Variants in LZTFL1 observed in about 807,000 individuals in gnomAD.
LZTFL1 encodes leucine zipper transcription factor like 1.
A neutral mutation model predicts 45.9 loss-of-function variants in LZTFL1; 25 were observed. The ratio of observed to expected loss-of-function variants is 0.54; its 90% CI spans 0.40 to 0.76. LZTFL1 has a LOEUF of 0.76. Ranked by LOEUF, LZTFL1 falls within the 30% of genes least tolerant of loss-of-function variation. The probability of loss-of-function intolerance (pLI) is 0.00; values close to 1 mark genes in which losing one functional copy is unlikely to be tolerated. For missense variants in LZTFL1, 277 were observed against 331.1 expected, an observed-to-expected ratio of 0.84 and a Z score of 1.27; for synonymous variants, 93 against 117.4, an observed-to-expected ratio of 0.79 and a Z score of 1.35.
intron 4 of LZTFL1, among the ~76,000 whole-genome samples, 195 bp from the exon 5 acceptor site, chr3:45,833,316 T>C (rs1453879386): frequency 1.3e-5 from 2 of 152,194 alleles, no homozygotes; most frequent in African/African-American, 4.8e-5. Context: ...TGTCCTACAG[T>C]GCCCCATACA....
intron 2 of LZTFL1, among the ~76,000 whole-genome samples, chr3:45,879,737 G>T (rs1701817756): frequency 6.6e-6 from 1 of 152,154 alleles, no homozygotes; most frequent in Non-Finnish European, 1.5e-5. Flanking sequence ...GTGGGAAGGT[G>T]GCACATGTGC....
intron 4 of LZTFL1, among the ~76,000 whole-genome samples, chr3:45,851,313 G>A (rs1005313525): frequency 2.0e-5 from 3 of 148,602 alleles, no homozygotes; most frequent in Non-Finnish European, 3.0e-5. Flanking sequence ...TGCAACCTCC[G>A]CCTCCTGGGT....
intron 2 of LZTFL1, among the ~76,000 whole-genome samples, chr3:45,911,142 C>T (rs1245692128): frequency 6.6e-6 from 1 of 152,190 alleles, no homozygotes. Context: ...CACAGTGTCC[C>T]TCTGCTCTTC....
Position 45,826,291 on chromosome 3 carries a change from G to A in LZTFL1, c.*23C>T. ...ACTGCTTGTATGTTTGCATGTGGTA[G>A]CTTCCAGAGGAAATCTTCAGTTTTA... On this transcript the variant is annotated 3_prime_UTR_variant, in exon 10 of 10. Coordinates refer to ENST00000296135, the MANE Select transcript of LZTFL1 (RefSeq NM_020347.4). 1 of 1,609,812 alleles carries A rather than the reference G, an allele frequency of 6.2e-7. No individual in the cohort carries two copies. Among genetic ancestry groups the A allele is most frequent in the Non-Finnish European group, 8.5e-7 (1 of 1,176,438 alleles).
At chr3:45,908,462 C>A (rs34549672) in intron 2 of LZTFL1, among the ~76,000 whole-genome samples, 78,211 of 152,068 alleles carry the variant, frequency 0.51, 23,285 homozygotes, top group African/African-American at 0.82. Flanking sequence ...AATCACAGAC[C>A]CAAGTCACAC....
At chr3:45,854,851 T>C in intron 4 of LZTFL1, 1 of 619,596 alleles carries the variant, frequency 1.6e-6, no homozygotes, top group Middle Eastern at 2.7e-4. Flanking sequence ...TAACTCAAAA[T>C]CATCACCATT....
chr3:45,879,144 A>C (rs993238420), intron 2 of LZTFL1, among the ~76,000 whole-genome samples: 1 of 152,190 alleles, frequency 6.6e-6, no homozygotes, highest in Non-Finnish European at 1.5e-5. Context: ...TGATCTAGCA[A>C]TCGTGCTTCT....
At chr3:45,859,379 T>C (rs1477671164) in intron 2 of LZTFL1, among the ~76,000 whole-genome samples, 2 of 151,846 alleles carry the variant, frequency 1.3e-5, no homozygotes, top group African/African-American at 2.4e-5. Context: ...GCACTAGCCA[T>C]GGTGCCTGAC....
At chr3:45,897,103 C>T (rs1368856671) in intron 2 of LZTFL1, among the ~76,000 whole-genome samples, 4 of 152,168 alleles carry the variant, frequency 2.6e-5, no homozygotes, top group Admixed American at 1.3e-4. Flanking sequence ...CTTGCCAGGA[C>T]ACAGACAGGC....
At chr3:45,909,436 C>T (rs1264498719) in intron 2 of LZTFL1, among the ~76,000 whole-genome samples, 1 of 152,188 alleles carries the variant, frequency 6.6e-6, no homozygotes, top group African/African-American at 2.4e-5. Context: ...GCTACACTTC[C>T]CACTTTTCTT....
At chr3:45,835,286 G>T (rs1056756290) in intron 3 of LZTFL1, 2 of 271,524 alleles carry the variant, frequency 7.4e-6, no homozygotes, top group African/African-American at 4.5e-5. Flanking sequence ...AATCTATAAA[G>T]ACTGATGGTA....
At chr3:45,895,131 C>G in intron 2 of LZTFL1, 1 of 669,828 alleles carries the variant, frequency 1.5e-6, no homozygotes, top group Non-Finnish European at 2.6e-6. Context: ...GAGGGTTTTG[C>G]AAATGCAAAG....
At chr3:45,902,897 C>G (rs202183867) in intron 2 of LZTFL1, 2 of 166,958 alleles carry the variant, frequency 1.2e-5, no homozygotes. Context: ...TGCTGGAAGG[C>G]TATTTACTTC....
At chr3:45,843,829 AACTTGT>A (rs1187402778), upstream of LZTFL1, among the ~76,000 whole-genome samples, 1 of 152,224 alleles carries the variant, frequency 6.6e-6, no homozygotes, top group African/African-American at 2.4e-5. Flanking sequence ...GAAAAGGCTG[AACTTGT>A]ACTTCAGGTT....
intron 4 of LZTFL1, among the ~76,000 whole-genome samples, chr3:45,847,999 AT>A: frequency 6.6e-6 from 1 of 152,188 alleles, no homozygotes. Flanking sequence ...CAACTAAGAT[AT>A]TTTTAAAGCC....
upstream of LZTFL1, among the ~76,000 whole-genome samples, chr3:45,842,344 C>T (rs867986889): frequency 6.6e-6 from 1 of 152,246 alleles, no homozygotes; most frequent in Admixed American, 6.5e-5. Context: ...TGGCCACCAA[C>T]GCGCTTCGCG....
rs149507815 is a variant in LZTFL1, at chr3:45,901,046, C to T, written c.-215+12074G>A. On this transcript the variant is annotated intron_variant, in intron 2 of 4. Coordinates refer to the LZTFL1 transcript ENST00000472635. This position sits in a 1 kb window ranked among gnomAD's most constrained non-coding sequence, Gnocchi z 4.3. ...GAGTGAAGACCATGACCGACATGTT[C>T]CTTTTGAATTTGGCAATTGCTGACC... is the stretch of plus-strand genomic sequence containing the variant. The T allele has an allele frequency of 6.2e-7, 1 of 1,614,198 alleles. No homozygotes were observed. The highest frequency in any genetic ancestry group is 8.5e-7 in the Non-Finnish European group (1 of 1,180,038).
intron 2 of LZTFL1, chr3:45,883,863 A>G: frequency 1.9e-6 from 1 of 524,902 alleles, no homozygotes. Context: ...GGATTCAGTT[A>G]AGCAGCTAGA....
At chr3:45,893,215 T>C (rs1388904144) in intron 2 of LZTFL1, among the ~76,000 whole-genome samples, 4 of 151,542 alleles carry the variant, frequency 2.6e-5, no homozygotes, top group Non-Finnish European at 5.9e-5. Flanking sequence ...AGTGCAGTGG[T>C]GCAATCTTGG....
Sources: gnomAD v4.1 joint callset for allele counts (sites outside exome capture counted in the v4.1 genomes callset) on GRCh38, gnomAD v4.1.1 for gene constraint, Gnocchi (gnomAD v3.1) non-coding constraint, MANE v1.5 for transcripts, NCBI Gene and HGNC (gene_info 2026-07-23, HGNC 2026-07-21) for gene names.